Variants in ZFPM2 observed in about 807,000 individuals in gnomAD.
ZFPM2 encodes the protein zinc finger protein ZFPM2.
A neutral mutation model predicts 98.6 loss-of-function variants in ZFPM2; 20 were observed. The observed-to-expected ratio is 0.20, with a 90% confidence interval of 0.14 to 0.29. ZFPM2 has a LOEUF of 0.29. Among genes scored for constraint, ZFPM2 ranks in the 10% least tolerant of loss-of-function variants. The pLI is 1.00. For synonymous variants in ZFPM2, 518 were observed against 502.7 expected, an observed-to-expected ratio of 1.03 and a Z score of -0.41; for missense variants, 1,310 against 1,388.6, an observed-to-expected ratio of 0.94 and a Z score of 0.90.
At chr8:105,658,586 CAAA>C (rs773181953) in intron 5 of ZFPM2, among the ~76,000 whole-genome samples, 5 of 7,904 alleles carry the variant, frequency 6.3e-4, no homozygotes, top group East Asian at 3.6e-3. Flanking sequence ...GACTCCGTCT[CAAA>C]AAAAAAAAAA....
At chr8:105,572,820 A>ACC (rs757171010) in intron 4 of ZFPM2, among the ~76,000 whole-genome samples, 12 of 151,758 alleles carry the variant, frequency 7.9e-5, no homozygotes, top group Non-Finnish European at 1.3e-4. Flanking sequence ...TTCTCATAAA[A>ACC]CCCCTTGTCC....
At chr8:105,656,213 A>T (rs1817283162) in intron 5 of ZFPM2, among the ~76,000 whole-genome samples, 2 of 152,126 alleles carry the variant, frequency 1.3e-5, no homozygotes, top group Non-Finnish European at 2.9e-5. Flanking sequence ...GAACCAACTA[A>T]GAAGAGAAAA....
At chr8:105,728,913 A>T (rs539290455) in intron 5 of ZFPM2, among the ~76,000 whole-genome samples, 4 of 151,812 alleles carry the variant, frequency 2.6e-5, no homozygotes, top group Admixed American at 6.6e-5. Context: ...ATGCTTTCAG[A>T]TACATCATCT....
chr8:105,767,424 A>G (rs759188151), intron 5 of ZFPM2, among the ~76,000 whole-genome samples: 8 of 151,990 alleles, frequency 5.3e-5, no homozygotes, highest in Non-Finnish European at 1.0e-4. Context: ...TGATTAAAAT[A>G]CAATCTATAA....
Position 105,318,887 on chromosome 8 carries a change from G to A in ZFPM2, c.-55G>A, listed in dbSNP as rs1443552626. 3.7e-6 allele frequency: 3 copies of A among 819,218 alleles called. No individual in the cohort carries two copies. The highest frequency in any genetic ancestry group is 2.5e-5 in the South Asian group (1 of 40,780). 50.7% of individuals were successfully genotyped at this position (819,218 alleles called of 1,614,324 possible). On this transcript the variant is annotated 5_prime_UTR_variant, in exon 1 of 8. Transcript: ENST00000407775. Reference sequence around the variant, plus strand: ...CGGCGGCGGCGGGAGCCGAGGGAGCGGCAGCCGCGACCGCGGGCACCGCGG... The same window carrying A: ...CGGCGGCGGCGGGAGCCGAGGGAGCAGCAGCCGCGACCGCGGGCACCGCGG...
intron 4 of ZFPM2, among the ~76,000 whole-genome samples, chr8:105,577,899 AC>A (rs1219063775): frequency 6.6e-6 from 1 of 152,038 alleles, no homozygotes; most frequent in Non-Finnish European, 1.5e-5. Context: ...ATTATTGAGA[AC>A]TGTCTGTAAC....
chr8:105,781,347 A>C lies in ZFPM2; in HGVS notation c.533-7371A>C, dbSNP rs1361194779. On this transcript the variant is annotated intron_variant, in intron 5 of 7. Transcript: ENST00000407775. ...TAATAATTGAGCTTAATGTATGTGA[A>C]GTGCTTAGAACAGTGCCTGGCACAT... 3.3e-5 allele frequency among the ~76,000 whole-genome samples: 5 copies of C among 152,198 alleles called. No homozygotes were observed. In the East Asian group the frequency reaches 9.6e-4, roughly 29 times the overall value.
rs201942806 is a variant in ZFPM2 at position 105,580,819 on chromosome 8, C to CTATA, written c.420+19339_420+19340insATAT. 6.9e-3 allele frequency among the ~76,000 whole-genome samples: 791 copies of CTATA among 114,868 alleles called. 4 individuals are homozygous for CTATA. Among genetic ancestry groups the CTATA allele is most frequent in the Admixed American group, 0.014 (157 of 11,060 alleles). The allele number at this position is 114,868 out of a possible 152,430, so 75.4% of individuals were successfully genotyped here. On this transcript the variant is annotated intron_variant, in intron 4 of 7. Transcript: ENST00000407775. ...CATCATTCTCTCTCTCTCTCTCTCTCTCTCTCTCTATATATATATATATAT... is the reference window on the plus strand; with the variant it reads ...CATCATTCTCTCTCTCTCTCTCTCTCTATATCTCTCTCTATATATATATATATAT...
intron 4 of ZFPM2, among the ~76,000 whole-genome samples, chr8:105,626,079 G>A (rs1816649029): frequency 6.6e-6 from 1 of 151,928 alleles, no homozygotes; most frequent in Non-Finnish European, 1.5e-5. Context: ...CTTTCACTCG[G>A]TTTAACTTTC....
At chr8:105,364,147 A>G (rs1289616062) in intron 1 of ZFPM2, among the ~76,000 whole-genome samples, 2 of 152,060 alleles carry the variant, frequency 1.3e-5, no homozygotes, top group Non-Finnish European at 2.9e-5. Context: ...GAAGTTGGGG[A>G]GACTTAAAAT....
chr8:105,738,410 C>G (rs1812135316), intron 5 of ZFPM2, among the ~76,000 whole-genome samples: 1 of 152,010 alleles, frequency 6.6e-6, no homozygotes, highest in Non-Finnish European at 1.5e-5. Context: ...TTTTCTTTAT[C>G]CAGTCTATCA....
At chr8:105,445,571 A>C (rs917972990) in intron 3 of ZFPM2, among the ~76,000 whole-genome samples, 3 of 151,646 alleles carry the variant, frequency 2.0e-5, no homozygotes, top group Non-Finnish European at 2.9e-5. Flanking sequence ...GGTTACCTTT[A>C]ACTTAAAAAC....
At chr8:105,764,944 C>A (rs190209251) in intron 5 of ZFPM2, among the ~76,000 whole-genome samples, 1 of 151,894 alleles carries the variant, frequency 6.6e-6, no homozygotes, top group Admixed American at 6.6e-5. Flanking sequence ...CAAACATGGG[C>A]TCTAGCTTTC....
intron 5 of ZFPM2, among the ~76,000 whole-genome samples, chr8:105,753,082 C>G (rs1230819911): frequency 6.6e-6 from 1 of 152,090 alleles, no homozygotes; most frequent in African/African-American, 2.4e-5. Flanking sequence ...CAGGGTCACC[C>G]AAAGGGGGCG....
intron 4 of ZFPM2, among the ~76,000 whole-genome samples, chr8:105,599,530 C>T (rs1816047927): frequency 6.6e-6 from 1 of 152,012 alleles, no homozygotes; most frequent in Admixed American, 6.6e-5. Context: ...CGTCACAAGC[C>T]AGTTTCTTTA....
chr8:105,395,902 C>T (rs1019684819), intron 1 of ZFPM2, among the ~76,000 whole-genome samples: 5 of 152,052 alleles, frequency 3.3e-5, no homozygotes, highest in African/African-American at 1.2e-4. Flanking sequence ...GTTGTAGGCA[C>T]GAGCCAGTCA....
chr8:105,501,233 A>C (rs57942103), intron 3 of ZFPM2, among the ~76,000 whole-genome samples: 36,813 of 147,166 alleles, frequency 0.25, 4,694 homozygotes, highest in South Asian at 0.36. Context: ...CCCAGGTTGC[A>C]GTGCAGTGGC....
At chr8:105,639,557 C>A (rs1180007499) in intron 5 of ZFPM2, among the ~76,000 whole-genome samples, 6 of 152,012 alleles carry the variant, frequency 3.9e-5, no homozygotes. Flanking sequence ...TAACCTTAGA[C>A]AAATCACTTG....
chr8:105,566,545 C>G, intron 4 of ZFPM2, among the ~76,000 whole-genome samples: 1 of 152,132 alleles, frequency 6.6e-6, no homozygotes, highest in Non-Finnish European at 1.5e-5. Flanking sequence ...CTCCCAAGGA[C>G]AAAGATCCTT....
Sources: allele counts gnomAD v4.1 joint callset (sites outside exome capture counted in the v4.1 genomes callset), GRCh38; gene constraint gnomAD v4.1.1; transcripts MANE v1.5; gene names NCBI Gene and HGNC (gene_info 2026-07-23, HGNC 2026-07-21).